The following CLIP4 variants were observed in gnomAD, a reference collection of about 807,000 sequenced individuals.
The protein encoded by CLIP4 is CAP-Gly domain-containing linker protein 4.
Under a neutral mutation model 73.1 loss-of-function variants are expected in CLIP4, and 47 were observed. The ratio of observed to expected loss-of-function variants is 0.64; its 90% CI spans 0.51 to 0.82. The LOEUF (loss-of-function observed/expected upper bound fraction) is 0.82. Among genes scored for constraint, CLIP4 ranks in the 40% least tolerant of loss-of-function variants. The pLI is 0.00. For missense variants in CLIP4, 874 were observed against 852.9 expected, an observed-to-expected ratio of 1.02 and a Z score of -0.31; for synonymous variants, 306 against 295.4, an observed-to-expected ratio of 1.04 and a Z score of -0.37.
At chr2:29,159,145 A>G (rs965012414) in intron 11 of CLIP4, among the ~76,000 whole-genome samples, 3 of 152,224 alleles carry the variant, frequency 2.0e-5, no homozygotes, top group South Asian at 2.1e-4. Flanking sequence ...ATGAAGTGCT[A>G]TAGAATATTG....
In CLIP4 at chr2:29,133,655, G is replaced by A; in HGVS notation, c.368G>A (p.Gly123Asp). The change falls in exon 5 of 16, where the codon GGT (glycine) becomes GAT (aspartate). Residue 123 changes from glycine to aspartate, a missense_variant and splice_region_variant. Transcript: ENST00000320081. ...YTCKSGAHGIGDVETAVKFAT... is the reference protein window; with the variant it reads ...YTCKSGAHGIDDVETAVKFAT... ...AAGTAATTTAGAAAATCTTCTTTAG[G>A]TGATGTGGAAACAGCTGTAAAATTT... is the stretch of plus-strand genomic sequence containing the variant. 3 of 1,600,660 alleles carry A rather than the reference G, an allele frequency of 1.9e-6. No individual in the cohort carries two copies. Among genetic ancestry groups the A allele is most frequent in the Admixed American group, 1.8e-5 (1 of 56,006 alleles).
intron 7 of CLIP4, 99 bp from the exon 8 acceptor site, chr2:29,145,133 A>G (rs978092039): frequency 7.9e-6 from 8 of 1,011,058 alleles, no homozygotes; most frequent in African/African-American, 1.6e-5. Flanking sequence ...TGAGAGAGTG[A>G]ATTTTTAAAA....
intron 8 of CLIP4, among the ~76,000 whole-genome samples, chr2:29,151,349 T>G (rs1268674399): frequency 6.6e-6 from 1 of 152,210 alleles, no homozygotes; most frequent in Non-Finnish European, 1.5e-5. Context: ...AAATAATTTC[T>G]TTCGTCAAAC....
At chr2:29,104,138 T>C (rs1668134142) in intron 1 of CLIP4, among the ~76,000 whole-genome samples, 1 of 152,224 alleles carries the variant, frequency 6.6e-6, no homozygotes, top group African/African-American at 2.4e-5. Context: ...AATTGTGTTC[T>C]CTCAGCTAGA....
chr2:29,124,291 T>A (rs978911378), intron 2 of CLIP4, among the ~76,000 whole-genome samples: 5 of 152,234 alleles, frequency 3.3e-5, no homozygotes, highest in Non-Finnish European at 7.3e-5. Flanking sequence ...GGTAGTTTTC[T>A]TTCAGTACTT....
chr2:29,112,305 G>T (rs961568708), upstream of CLIP4, among the ~76,000 whole-genome samples: 1 of 152,168 alleles, frequency 6.6e-6, no homozygotes, highest in African/African-American at 2.4e-5. Context: ...CTGGAATTTT[G>T]GTTGCCATAA....
At chr2:29,160,924 A>G (rs1470650945) in intron 12 of CLIP4, among the ~76,000 whole-genome samples, 1 of 152,206 alleles carries the variant, frequency 6.6e-6, no homozygotes, top group Non-Finnish European at 1.5e-5. Context: ...TTGTGTATTT[A>G]TATATTCATT....
intron 14 of CLIP4, among the ~76,000 whole-genome samples, chr2:29,168,516 T>A (rs1667778145): frequency 1.3e-5 from 1 of 76,578 alleles, no homozygotes; most frequent in Non-Finnish European, 2.8e-5. Context: ...TTTGCCCTTT[T>A]TTTTTTTTTT....
intron 2 of CLIP4, among the ~76,000 whole-genome samples, 158 bp from the exon 3 acceptor site, chr2:29,131,100 G>T (rs185158020): frequency 2.6e-5 from 4 of 152,170 alleles, no homozygotes; most frequent in African/African-American, 4.8e-5. Context: ...TAAGTGCTCA[G>T]CAAATGTTCA....
intron 15 of CLIP4, among the ~76,000 whole-genome samples, chr2:29,178,960 A>T (rs1668499821): frequency 6.6e-6 from 1 of 151,930 alleles, no homozygotes; most frequent in Non-Finnish European, 1.5e-5. Flanking sequence ...GTGCCCTTCT[A>T]AGTTTTGTAT....
At chr2:29,174,845 C>T (rs1668229814) in intron 15 of CLIP4, 1 of 250,778 alleles carries the variant, frequency 4.0e-6, no homozygotes, top group Non-Finnish European at 6.3e-6. Context: ...TTGAAAAATG[C>T]TCCCAATTCC....
At chr2:29,160,569 C>T (rs1667221747) in intron 12 of CLIP4, 102 bp downstream of exon 12, 4 of 1,358,672 alleles carry the variant, frequency 2.9e-6, no homozygotes, top group East Asian at 2.4e-5. Context: ...TCTTGATGAA[C>T]AGTTTTTGTG....
chr2:29,130,572 T>C (rs1664902457), intron 2 of CLIP4: 2 of 1,092,076 alleles, frequency 1.8e-6, no homozygotes, highest in Middle Eastern at 4.3e-4. Context: ...GGTGGGACTT[T>C]GGCTCAGAGG....
intron 1 of CLIP4, among the ~76,000 whole-genome samples, chr2:29,105,760 A>G (rs578238757): frequency 4.5e-4 from 69 of 152,266 alleles, no homozygotes; most frequent in African/African-American, 1.6e-3. Context: ...GACCTCAGAG[A>G]GCTCCTTTTT....
intron 1 of CLIP4, among the ~76,000 whole-genome samples, chr2:29,104,493 C>T (rs1219276276): frequency 6.6e-6 from 1 of 151,934 alleles, no homozygotes. Context: ...TGCTATGTGG[C>T]CCAGGCTGGT....
At chr2:29,168,063 C>T (rs1667744144) in intron 14 of CLIP4, among the ~76,000 whole-genome samples, 2 of 152,190 alleles carry the variant, frequency 1.3e-5, no homozygotes, top group Non-Finnish European at 2.9e-5. Flanking sequence ...TAGGTAATGC[C>T]TGTCTGTCTG....
intron 12 of CLIP4, among the ~76,000 whole-genome samples, chr2:29,162,945 CT>C (rs1457901263): frequency 6.6e-6 from 1 of 152,024 alleles, no homozygotes; most frequent in African/African-American, 2.4e-5. Context: ...TATCTATCTC[CT>C]GTTTTTTTAC....
upstream of CLIP4, among the ~76,000 whole-genome samples, chr2:29,112,554 T>G (rs1668409502): frequency 6.6e-6 from 1 of 152,278 alleles, no homozygotes; most frequent in Non-Finnish European, 1.5e-5. Flanking sequence ...TTACTGCTGA[T>G]GTAGACAAAA....
intron 1 of CLIP4, 74 bp from the exon 2 acceptor site, chr2:29,121,300 C>A: frequency 7.5e-7 from 1 of 1,325,566 alleles, no homozygotes; most frequent in Non-Finnish European, 1.0e-6. Flanking sequence ...AACTTTTAGG[C>A]AGTTATTGAA....
Sources: allele counts gnomAD v4.1 joint callset (sites outside exome capture counted in the v4.1 genomes callset), GRCh38; gene constraint gnomAD v4.1.1; transcripts MANE v1.5; gene names NCBI Gene and HGNC (gene_info 2026-07-23, HGNC 2026-07-21).